KIF19: variants seen among roughly 807,000 people sequenced by gnomAD.
KIF19 encodes kinesin-like protein KIF19.
A neutral mutation model predicts 106.6 loss-of-function variants in KIF19; 98 were observed. The observed-to-expected ratio is 0.92, with a 90% CI of 0.78 to 1.09. KIF19 has a LOEUF of 1.09. KIF19 is among the 50% of genes least tolerant of loss of function. The pLI, the probability that KIF19 is intolerant of heterozygous loss-of-function variation, is 0.00. For synonymous variants in KIF19, 516 were observed against 584.2 expected, an observed-to-expected ratio of 0.88 and a Z score of 1.68; for missense variants, 1,373 against 1,414.3, an observed-to-expected ratio of 0.97 and a Z score of 0.47.
chr17:74,342,070 G>T lies in KIF19; in HGVS notation c.231+84G>T. The T allele has an allele frequency of 3.1e-6, 3 of 980,904 alleles. No individual in the cohort carries two copies. In the South Asian group the frequency reaches 4.1e-5, roughly 13 times the overall value. 60.8% of individuals were successfully genotyped at this position (980,904 alleles called of 1,614,324 possible). On this transcript the variant is annotated intron_variant, in intron 3 of 19. Coordinates refer to ENST00000389916, the MANE Select transcript of KIF19 (RefSeq NM_153209.4). ...TCAGGAGGGGCCCTCCAGGGCCCCT[G>T]CCTTTGAACCTCAGCCTCCACTCCA... is the stretch of plus-strand genomic sequence containing the variant.
Position 74,331,578 on chromosome 17 carries a change from AT to A in KIF19, c.120+3086del, listed in dbSNP as rs5822040. Among the ~76,000 whole-genome samples, 203 of 145,284 alleles carry A rather than the reference AT, an allele frequency of 1.4e-3. 1 individual carries two copies. The highest frequency in any genetic ancestry group is 0.013 in the East Asian group (65 of 4,904). ...TGGGGAAGCTGGAGTTCGGATTTGGATTTTTTTTTTTTTCTTGTGATGGAGT... is the reference window on the plus strand; with the variant it reads ...TGGGGAAGCTGGAGTTCGGATTTGGATTTTTTTTTTTTCTTGTGATGGAGT... On this transcript the variant is annotated intron_variant, in intron 2 of 19. Coordinates refer to ENST00000389916, the MANE Select transcript of KIF19 (RefSeq NM_153209.4). The surrounding 1 kb of genome is among the most constrained non-coding windows in gnomAD (Gnocchi z 4.1).
At chr17:74,340,616 G>T (rs1305129853) in intron 2 of KIF19, among the ~76,000 whole-genome samples, 2 of 151,854 alleles carry the variant, frequency 1.3e-5, no homozygotes, top group East Asian at 3.9e-4. Flanking sequence ...CCCCAGCTGG[G>T]ATTGGCCCAC....
At position 74,346,333 on chromosome 17, in the gene KIF19, C is replaced by T. The variant is rs767957065; in HGVS notation, c.778-45C>T. ...GGGGTGGCTGGGGAGAAACCCAGTC[C>T]CCTGCCTCATCAGGCCACACGTGTG... On this transcript the variant is annotated intron_variant, in intron 7 of 19. Coordinates refer to ENST00000389916, the MANE Select transcript of KIF19 (RefSeq NM_153209.4). The surrounding 1 kb of genome is among the most constrained non-coding windows in gnomAD (Gnocchi z 4.6). The T allele has an allele frequency of 6.5e-7, 1 of 1,540,864 alleles. No individual in the cohort carries two copies. Among genetic ancestry groups the T allele is most frequent in the Admixed American group, 2.0e-5 (1 of 51,208 alleles).
At chr17:74,350,946 G>T in intron 12 of KIF19, 41 bp downstream of exon 12, 1 of 1,605,514 alleles carries the variant, frequency 6.2e-7, no homozygotes, top group Non-Finnish European at 8.5e-7. Context: ...GGGTTTAGGG[G>T]ACAGGGTGAG....
rs141652791 is a variant in KIF19 at position 74,343,059 on chromosome 17, C to A, written c.355C>A (p.Gln119Lys). ...GKTYTMLGTD[Q>K]EPGIYVQTLN... ...AACCTACACCATGCTGGGCACAGAC[C>A]AGGAGCCTGGCATCTATGTTCAGAC... The change falls in exon 5 of 20, where the codon CAG becomes AAG. Residue 119 changes from glutamine to lysine, a missense_variant. By Grantham distance (53) the Gln-to-Lys change is moderately conservative (BLOSUM62 1). Around this residue, in one of 3 missense-constraint regions of KIF19, gnomAD observed 348 missense variants for 389.5 expected, o/e 0.89. Transcript: ENST00000389916. 6.2e-7 allele frequency: 1 copy of A among 1,612,498 alleles called. No individual in the cohort carries two copies. Among genetic ancestry groups the A allele is most frequent in the Non-Finnish European group, 8.5e-7 (1 of 1,179,620 alleles).
chr17:74,351,871 C>T lies in KIF19; in HGVS notation c.1592C>T (p.Ala531Val). Residue 531 changes from alanine (A) to valine (V), a missense_variant, in exon 13 of 20, where the codon GCG becomes GTG. Physicochemically the swap from Ala to Val is moderately conservative, Grantham distance 64. Transcript: ENST00000389916. ...EQKQLRKQKL[A>V]LEQRCRELRA... is the part of the protein sequence containing the mutation. Reference sequence around the variant, plus strand: ...GCTGACCTGCGCCTCCTGCAGCTGGCGCTGGAGCAGCGCTGCCGGGAGCTG... The same window carrying T: ...GCTGACCTGCGCCTCCTGCAGCTGGTGCTGGAGCAGCGCTGCCGGGAGCTG... 2 of 1,386,672 alleles carry T rather than the reference C, an allele frequency of 1.4e-6. No homozygotes were observed. The highest frequency in any genetic ancestry group is 1.9e-6 in the Non-Finnish European group (2 of 1,078,638). 85.9% of individuals were successfully genotyped at this position (1,386,672 alleles called of 1,614,324 possible).
chr17:74,345,031 C>T, intron 7 of KIF19, 76 bp downstream of exon 7: 2 of 1,340,182 alleles, frequency 1.5e-6, no homozygotes, highest in Non-Finnish European at 2.0e-6. Context: ...ATGGTGACTC[C>T]CATGCAAGGC....
rs1276671980 is a variant in KIF19, at chr17:74,326,319, C to T, written c.-31C>T. 2 of 1,598,440 alleles carry T rather than the reference C, an allele frequency of 1.3e-6. No homozygotes were observed. The highest frequency in any genetic ancestry group is 1.4e-5 in the African/African-American group (1 of 73,622). On this transcript the variant is annotated 5_prime_UTR_variant, in exon 1 of 20. Transcript: ENST00000389916. ...GGTGCGGCTGAGCCATGCCCGGTGGCGCGGCCTGAGCCCCTCCACCTGCTG... is the reference window on the plus strand; with the variant it reads ...GGTGCGGCTGAGCCATGCCCGGTGGTGCGGCCTGAGCCCCTCCACCTGCTG...
In KIF19 at chr17:74,354,862, C is replaced by G; in HGVS notation, c.2787C>G (p.His929Gln). 6.4e-7 allele frequency: 1 copy of G among 1,564,794 alleles called. No homozygotes were observed. Among genetic ancestry groups the G allele is most frequent in the Non-Finnish European group, 8.7e-7 (1 of 1,155,118 alleles). ...ISDHRMPVCR[H>Q]PAPGIRHLGK... is the part of the protein sequence containing the mutation. ...ACCACAGGATGCCAGTGTGCAGGCA[C>G]CCAGCCCCTGGTATCCGGCATCTGG... Residue 929 changes from histidine (H) to glutamine (Q), a missense_variant, in exon 19 of 20, where the codon CAC (histidine) becomes CAG (glutamine). By Grantham distance (24) the His-to-Gln change is conservative (BLOSUM62 0). Around this residue, in one of 3 missense-constraint regions of KIF19, gnomAD observed 1,020 missense variants for 1,008.2 expected, o/e 1.01. Transcript: ENST00000389916.
At chr17:74,334,940 T>A (rs890510004) in intron 2 of KIF19, among the ~76,000 whole-genome samples, 1 of 152,206 alleles carries the variant, frequency 6.6e-6, no homozygotes, top group Non-Finnish European at 1.5e-5. Flanking sequence ...TGATTTCTCC[T>A]CTCAAGGCTA....
At position 74,349,219 on chromosome 17, in the gene KIF19, C is replaced by T. The variant is rs763907706; in HGVS notation, c.1083C>T (p.Ile361=). 29 of 1,613,726 alleles carry T rather than the reference C, an allele frequency of 1.8e-5. No homozygotes were observed. The highest frequency in any genetic ancestry group is 5.3e-5 in the African/African-American group (4 of 74,950). ...KQNLLNVSYH[I]AQYTSIIADL... ...ACCTCCTGAACGTCTCCTACCACAT[C>T]GCCCAGTACACCAGCATCATCGCTG... The change falls in exon 10 of 20, where the codon ATC becomes ATT. Residue 361 remains isoleucine (I), a synonymous_variant. Coordinates refer to ENST00000389916, the MANE Select transcript of KIF19 (RefSeq NM_153209.4).
chr17:74,331,131 G>T lies in KIF19; in HGVS notation c.120+2626G>T, dbSNP rs1048003595. ...TGGACCCCCCCTTACCCTTGTCCCCGACCTGACCAGTTCCCCCACCTCCTG... is the reference window on the plus strand; with the variant it reads ...TGGACCCCCCCTTACCCTTGTCCCCTACCTGACCAGTTCCCCCACCTCCTG... On this transcript the variant is annotated intron_variant, in intron 2 of 19. Coordinates refer to ENST00000389916, the MANE Select transcript of KIF19 (RefSeq NM_153209.4). The surrounding 1 kb of genome is among the most constrained non-coding windows in gnomAD (Gnocchi z 4.1). Among the ~76,000 whole-genome samples the T allele has an allele frequency of 6.6e-6, 1 of 151,716 alleles. No homozygotes were observed. The highest frequency in any genetic ancestry group is 2.4e-5 in the African/African-American group (1 of 41,278).
At chr17:74,355,067 C>T (rs2054841335) in intron 19 of KIF19, 115 bp from the exon 20 acceptor site, 4 of 1,540,160 alleles carry the variant, frequency 2.6e-6, no homozygotes, top group South Asian at 1.2e-5. Context: ...GCAGAATACT[C>T]ATGGGACTGG....
At chr17:74,353,814 A>G (rs1240903148) in intron 17 of KIF19, among the ~76,000 whole-genome samples, 1 of 152,206 alleles carries the variant, frequency 6.6e-6, no homozygotes, top group Non-Finnish European at 1.5e-5. Context: ...GGAAATTAGA[A>G]AAGAGACATG....
chr17:74,337,417 C>CCAATGTGCCA (rs1390099002), intron 2 of KIF19, among the ~76,000 whole-genome samples: 4 of 152,134 alleles, frequency 2.6e-5, no homozygotes, highest in Non-Finnish European at 4.4e-5. Context: ...CGGATCTGTG[C>CCAATGTGCCA]AGTGAAGAGC....
chr17:74,354,278 A>G lies in KIF19; in HGVS notation c.2425A>G (p.Ser809Gly). The change falls in exon 18 of 20, where the codon AGC (serine) becomes GGC (glycine). Residue 809 changes from serine to glycine, a missense_variant. By Grantham distance (56) the Ser-to-Gly change is moderately conservative. Around this residue, in one of 3 missense-constraint regions of KIF19, gnomAD observed 1,020 missense variants for 1,008.2 expected, o/e 1.01. Coordinates refer to ENST00000389916, the MANE Select transcript of KIF19 (RefSeq NM_153209.4). ...HLLAPATERSSLSLHSLSEGD... is the reference protein window; with the variant it reads ...HLLAPATERSGLSLHSLSEGD... ...GCTGGCACCCGCGACAGAGCGCAGC[A>G]GCCTGTCCCTGCACTCACTGAGCGA... is the stretch of plus-strand genomic sequence containing the variant. The G allele has an allele frequency of 6.2e-7, 1 of 1,608,964 alleles. No homozygotes were observed. Among genetic ancestry groups the G allele is most frequent in the Non-Finnish European group, 8.5e-7 (1 of 1,179,284 alleles).
chr17:74,333,007 G>T (rs1489274154), intron 2 of KIF19, among the ~76,000 whole-genome samples: 1 of 152,216 alleles, frequency 6.6e-6, no homozygotes, highest in African/African-American at 2.4e-5. Flanking sequence ...CCACGCAACT[G>T]GGAGGCTGTT....
Position 74,354,216 on chromosome 17 carries a change from G to A in KIF19, c.2363G>A (p.Arg788Gln), listed in dbSNP as rs770216502. 21 of 1,609,062 alleles carry A rather than the reference G, an allele frequency of 1.3e-5. No homozygotes were observed. The highest frequency in any genetic ancestry group is 1.0e-4 in the Admixed American group (6 of 59,914). Residue 788 changes from arginine (R) to glutamine (Q), a missense_variant, in exon 18 of 20, where the codon CGG (arginine) becomes CAG (glutamine). By Grantham distance (43) the Arg-to-Gln change is conservative. Around this residue, in one of 3 missense-constraint regions of KIF19, gnomAD observed 1,020 missense variants for 1,008.2 expected, o/e 1.01. Transcript: ENST00000389916. ...TGCATCTGGGTGAAGGCCGCCCGGCGGCGCTCGCGGGCCCTGGGAACCGAG... is the reference window on the plus strand; with the variant it reads ...TGCATCTGGGTGAAGGCCGCCCGGCAGCGCTCGCGGGCCCTGGGAACCGAG... ...TKCIWVKAAR[R>Q]RSRALGTEGR...
At chr17:74,328,763 C>G in intron 2 of KIF19, 1 of 377,312 alleles carries the variant, frequency 2.7e-6, no homozygotes, top group Non-Finnish European at 4.9e-6. Flanking sequence ...TTCACATGCT[C>G]ATTGCTTGAC....
Sources: gnomAD v4.1 joint callset for allele counts (sites outside exome capture counted in the v4.1 genomes callset) on GRCh38, gnomAD v4.1.1 for gene constraint, gnomAD v4.1.1 regional missense constraint, Gnocchi (gnomAD v3.1) non-coding constraint, MANE v1.5 for transcripts, NCBI Gene and HGNC (gene_info 2026-07-23, HGNC 2026-07-21) for gene names.